Variants in MTFR1 observed in about 807,000 individuals in gnomAD.
MTFR1 encodes the protein chondrocyte protein with a poly-proline region.
A neutral mutation model predicts 38.8 loss-of-function variants in MTFR1; 28 were observed. That is an observed-to-expected ratio of 0.72 (90% CI 0.53 to 0.99). The LOEUF (loss-of-function observed/expected upper bound fraction) is 0.99. Among genes scored for constraint, MTFR1 ranks in the 50% least tolerant of loss-of-function variants. The probability of loss-of-function intolerance (pLI) is 0.00; values close to 1 mark genes in which losing one functional copy is unlikely to be tolerated. For synonymous variants in MTFR1, 145 were observed against 137.0 expected (o/e 1.06, Z -0.41); for missense variants, 358 against 395.5 (o/e 0.91, Z 0.81).
At position 65,681,814 on chromosome 8, in the gene MTFR1, A is replaced by G. The variant is rs115974612; in HGVS notation, c.67-539A>G. On this transcript the variant is annotated intron_variant, in intron 2 of 7. Transcript: ENST00000262146. The stretch of plus-strand genomic sequence containing the variant: ...TTGGGGAGCAGGCCTCCCAAGAGCA[A>G]TATGCCTGGATTTCAGCCTTTGCTC... Among the ~76,000 whole-genome samples, 1,442 of 152,204 alleles carry G rather than the reference A, an allele frequency of 9.5e-3. 27 individuals are homozygous for G. The highest frequency in any genetic ancestry group is 0.033 in the African/African-American group (1,380 of 41,530).
At chr8:65,776,065 T>C (rs1809251340), downstream of MTFR1, among the ~76,000 whole-genome samples, 1 of 152,218 alleles carries the variant, frequency 6.6e-6, no homozygotes, top group Admixed American at 6.5e-5. Context: ...GCTAAATCAA[T>C]GTTATTGATT....
intron 3 of MTFR1, among the ~76,000 whole-genome samples, chr8:65,726,128 A>G (rs1806597682): frequency 6.6e-6 from 1 of 152,188 alleles, no homozygotes; most frequent in African/African-American, 2.4e-5. Context: ...ACATATTTTT[A>G]TACCTCACCA....
chr8:65,773,481 A>G (rs1809169605), downstream of MTFR1, among the ~76,000 whole-genome samples: 1 of 152,174 alleles, frequency 6.6e-6, no homozygotes, highest in African/African-American at 2.4e-5. Flanking sequence ...TCTAAATACC[A>G]TACTACAAAG....
chr8:65,758,270 T>TC (rs766141494), intron 3 of MTFR1, among the ~76,000 whole-genome samples: 83 of 152,326 alleles, frequency 5.4e-4, no homozygotes, highest in African/African-American at 2.0e-3. Flanking sequence ...CATCAGGCCC[T>TC]CAGGAATTCT....
chr8:65,719,588 C>T (rs2129063210), intron 3 of MTFR1: 1 of 784,990 alleles, frequency 1.3e-6, no homozygotes, highest in East Asian at 2.7e-5. Flanking sequence ...CTACATCCTA[C>T]TCCAGTATTA....
intron 1 of MTFR1, among the ~76,000 whole-genome samples, chr8:65,649,115 T>C (rs575201620): frequency 6.6e-6 from 1 of 152,118 alleles, no homozygotes; most frequent in South Asian, 2.1e-4. Flanking sequence ...TTACAAGTAA[T>C]CTACAGATGA....
intron 1 of MTFR1, among the ~76,000 whole-genome samples, chr8:65,662,037 C>A: frequency 1.2e-5 from 1 of 83,558 alleles, no homozygotes; most frequent in Non-Finnish European, 2.9e-5. Context: ...CTCTCCCTCT[C>A]TCTCCCTCTC....
At chr8:65,694,793 C>A (rs571897790) in intron 4 of MTFR1, among the ~76,000 whole-genome samples, 1 of 152,164 alleles carries the variant, frequency 6.6e-6, no homozygotes, top group African/African-American at 2.4e-5. Flanking sequence ...TGCTAGAGCT[C>A]CATCATGAGG....
chr8:65,646,814 A>T (rs538066402), intron 1 of MTFR1, among the ~76,000 whole-genome samples: 37 of 152,380 alleles, frequency 2.4e-4, no homozygotes, highest in African/African-American at 7.9e-4. Flanking sequence ...GGATATTAAT[A>T]CTAAATATTT....
chr8:65,708,229 A>G (rs989981391), intron 7 of MTFR1: 1 of 963,402 alleles, frequency 1.0e-6, no homozygotes, highest in Middle Eastern at 2.5e-4. Flanking sequence ...TATGAAAATA[A>G]TAGTTGTTCA....
intron 1 of MTFR1, among the ~76,000 whole-genome samples, chr8:65,648,121 A>C (rs1436511186): frequency 1.3e-5 from 2 of 151,766 alleles, no homozygotes; most frequent in Non-Finnish European, 2.9e-5. Flanking sequence ...ACGCCATTCC[A>C]TTCTCCTGCC....
chr8:65,677,066 C>G, intron 2 of MTFR1, among the ~76,000 whole-genome samples: 1 of 135,576 alleles, frequency 7.4e-6, no homozygotes, highest in Non-Finnish European at 1.5e-5. Flanking sequence ...AGCTATTTCT[C>G]TCTTTTTTTT....
intron 2 of MTFR1, among the ~76,000 whole-genome samples, chr8:65,680,627 G>C (rs78141695): frequency 6.6e-6 from 1 of 152,054 alleles, no homozygotes; most frequent in Admixed American, 6.6e-5. Flanking sequence ...ACAGTGAACC[G>C]TTGTTTGGTT....
intron 3 of MTFR1, among the ~76,000 whole-genome samples, chr8:65,684,177 A>T (rs1356373935): frequency 6.6e-6 from 1 of 152,150 alleles, no homozygotes; most frequent in East Asian, 1.9e-4. Context: ...TACTTGGGAG[A>T]ATTCTTTTTC....
chr8:65,748,251 TA>T (rs1214220202), intron 3 of MTFR1, among the ~76,000 whole-genome samples: 1 of 152,142 alleles, frequency 6.6e-6, no homozygotes, highest in African/African-American at 2.4e-5. Flanking sequence ...ATTACACAAG[TA>T]AAACATTTCA....
At chr8:65,702,601 G>T (rs1053145888) in intron 4 of MTFR1, among the ~76,000 whole-genome samples, 2 of 151,654 alleles carry the variant, frequency 1.3e-5, no homozygotes, top group Admixed American at 6.6e-5. Context: ...TAAATTACCA[G>T]TTTTTTTTCC....
rs75726192 is a variant in MTFR1 at position 65,707,536 on chromosome 8, A to G, written c.764+280A>G. ...TGCTCAGTGAGCATTCACTAATTCA[A>G]TAAAGGCGTGCTGTGTACCACTAGC... On this transcript the variant is annotated intron_variant, in intron 6 of 7. Coordinates refer to ENST00000262146, the MANE Select transcript of MTFR1 (RefSeq NM_014637.4). 9.9e-3 allele frequency among the ~76,000 whole-genome samples: 1,505 copies of G among 152,340 alleles called. 11 individuals carry two copies. The highest frequency in any genetic ancestry group is 0.042 in the East Asian group (220 of 5,192).
At chr8:65,653,260 G>C (rs1809168545) in intron 1 of MTFR1, among the ~76,000 whole-genome samples, 1 of 152,202 alleles carries the variant, frequency 6.6e-6, no homozygotes, top group Non-Finnish European at 1.5e-5. Flanking sequence ...TGTAATCCCA[G>C]CACTTTGGGA....
intron 3 of MTFR1, among the ~76,000 whole-genome samples, chr8:65,755,471 T>G (rs1255585927): frequency 6.6e-6 from 1 of 152,242 alleles, no homozygotes; most frequent in South Asian, 2.1e-4. Flanking sequence ...TATAAAGACC[T>G]AGTTTGAATA....
Sources: gnomAD v4.1 joint callset for allele counts (sites outside exome capture counted in the v4.1 genomes callset) on GRCh38, gnomAD v4.1.1 for gene constraint, MANE v1.5 for transcripts, NCBI Gene and HGNC (gene_info 2026-07-23, HGNC 2026-07-21) for gene names.